Variants in VPS13B observed in about 807,000 individuals in gnomAD.
The protein encoded by VPS13B is intermembrane lipid transfer protein VPS13B.
Under a neutral mutation model 426.4 loss-of-function variants are expected in VPS13B, and 285 were observed. The observed-to-expected ratio is 0.67, with a 90% confidence interval of 0.61 to 0.74. The LOEUF (loss-of-function observed/expected upper bound fraction) is 0.74. Ranked by LOEUF, VPS13B falls within the 30% of genes least tolerant of loss-of-function variation. The pLI, the probability that VPS13B is intolerant of heterozygous loss-of-function variation, is 0.00. For missense variants in VPS13B, 4,537 were observed against 4,782.6 expected (o/e 0.95, Z 1.51); for synonymous variants, 1,676 against 1,676.4 (o/e 1.00, Z 0.01).
intron 19 of VPS13B, among the ~76,000 whole-genome samples, chr8:99,351,927 A>C (rs1019026737): frequency 3.3e-5 from 5 of 152,170 alleles, no homozygotes; most frequent in Non-Finnish European, 7.4e-5. Flanking sequence ...AAAGAGACAT[A>C]TATATTATTA....
intron 14 of VPS13B, 127 bp from the exon 15 acceptor site, chr8:99,156,422 A>G (rs570104648): frequency 1.2e-6 from 1 of 816,526 alleles, no homozygotes; most frequent in Non-Finnish European, 2.0e-6. Flanking sequence ...AGTTCTGTAG[A>G]AAGGCATCAT....
chr8:99,829,883 G>C (rs770003608), intron 51 of VPS13B, among the ~76,000 whole-genome samples: 1 of 152,142 alleles, frequency 6.6e-6, no homozygotes, highest in Non-Finnish European at 1.5e-5. Context: ...AGAGTTTTCT[G>C]GGGGTCCACC....
intron 17 of VPS13B, among the ~76,000 whole-genome samples, chr8:99,202,577 C>G (rs938358915): frequency 2.6e-5 from 4 of 152,110 alleles, no homozygotes; most frequent in Non-Finnish European, 5.9e-5. Context: ...TCAAAAAAAG[C>G]CCAGGACCAG....
chr8:99,697,134 A>G, intron 35 of VPS13B: 1 of 532,918 alleles, frequency 1.9e-6, no homozygotes, highest in Non-Finnish European at 3.5e-6. Flanking sequence ...GCTCAAGTCC[A>G]TACTGCAGAC....
In VPS13B at chr8:99,521,335, A is replaced by G. The variant is rs182621388; in HGVS notation, c.4745+325A>G. Among the ~76,000 whole-genome samples the G allele has an allele frequency of 2.4e-3, 362 of 152,338 alleles. 2 individuals are homozygous for G. The highest frequency in any genetic ancestry group is 3.5e-3 in the Non-Finnish European group (240 of 68,026). ...AGAAAACGAGGTCCTCTGTAGAACC[A>G]CCACATCCTACTGTAGTCATGTTGT... On this transcript the variant is annotated intron_variant, in intron 30 of 61. Coordinates refer to ENST00000357162, the MANE Select transcript of VPS13B (RefSeq NM_152564.5).
In VPS13B at chr8:99,646,351, C is replaced by T. The variant is rs141421778; in HGVS notation, c.5908+3853C>T. Among the ~76,000 whole-genome samples the T allele has an allele frequency of 3.9e-5, 6 of 152,120 alleles. No homozygotes were observed. In the East Asian group the frequency reaches 9.7e-4, roughly 25 times the overall value. ...ACAACATAGTGAGACCCCATCTCTA[C>T]AAAAAATTACAAAAAATTGTAATTG... is the stretch of plus-strand genomic sequence containing the variant. On this transcript the variant is annotated intron_variant, in intron 34 of 61. Coordinates refer to ENST00000357162, the MANE Select transcript of VPS13B (RefSeq NM_152564.5).
At chr8:99,741,946 C>G (rs1809751824) in intron 39 of VPS13B, among the ~76,000 whole-genome samples, 1 of 152,028 alleles carries the variant, frequency 6.6e-6, no homozygotes, top group Non-Finnish European at 1.5e-5. Context: ...CATTCAAAAG[C>G]TAGCAGAAGG....
intron 17 of VPS13B, among the ~76,000 whole-genome samples, chr8:99,254,463 A>G (rs895367880): frequency 4.7e-5 from 7 of 150,162 alleles, no homozygotes; most frequent in African/African-American, 1.7e-4. Context: ...TCCATTCAGT[A>G]TTTTTTCTTT....
chr8:99,119,699 G>A (rs1401596510), intron 7 of VPS13B, among the ~76,000 whole-genome samples: 1 of 152,118 alleles, frequency 6.6e-6, no homozygotes, highest in Non-Finnish European at 1.5e-5. Flanking sequence ...ACCTATAAAT[G>A]TAGAATGTTC....
At chr8:99,747,443 G>A (rs1000234219) in intron 39 of VPS13B, among the ~76,000 whole-genome samples, 1 of 152,016 alleles carries the variant, frequency 6.6e-6, no homozygotes, top group African/African-American at 2.4e-5. Context: ...ACATTCAAGT[G>A]AATACAGACC....
At chr8:99,752,289 C>T (rs1192684464) in intron 39 of VPS13B, among the ~76,000 whole-genome samples, 1 of 152,186 alleles carries the variant, frequency 6.6e-6, no homozygotes, top group African/African-American at 2.4e-5. Context: ...CCATGGAGAA[C>T]TATTCCCTAG....
chr8:99,592,920 G>A (rs1433317890), intron 33 of VPS13B, among the ~76,000 whole-genome samples: 5 of 151,958 alleles, frequency 3.3e-5, no homozygotes, highest in Admixed American at 3.3e-4. Flanking sequence ...AACTCAAGAT[G>A]GATTAAAGAC....
At chr8:99,585,213 G>A (rs1481235850) in intron 33 of VPS13B, among the ~76,000 whole-genome samples, 1 of 152,110 alleles carries the variant, frequency 6.6e-6, no homozygotes, top group Non-Finnish European at 1.5e-5. Flanking sequence ...ACTGTGCAGG[G>A]AAATAATGGA....
At chr8:99,873,481 T>A (rs955514853) in intron 61 of VPS13B, among the ~76,000 whole-genome samples, 13 of 152,164 alleles carry the variant, frequency 8.5e-5, no homozygotes, top group Non-Finnish European at 1.8e-4. Context: ...AAGGAATGCC[T>A]AAAACAGAAG....
intron 34 of VPS13B, among the ~76,000 whole-genome samples, chr8:99,654,291 G>A (rs921285637): frequency 9.3e-5 from 14 of 151,334 alleles, no homozygotes; most frequent in Admixed American, 3.9e-4. Context: ...CTTGTGATCC[G>A]CCCGCCTCGG....
rs372928254 is a variant in VPS13B, at chr8:99,361,526, A to G, written c.2825-22682A>G. Among the ~76,000 whole-genome samples, 10 of 152,316 alleles carry G rather than the reference A, an allele frequency of 6.6e-5. No individual in the cohort carries two copies. The East Asian group carries it at 1.7e-3, about 26-fold the overall frequency. On this transcript the variant is annotated intron_variant, in intron 19 of 61. Transcript: ENST00000357162. ...AAGCCAGTGTCCTTAAAGACCTGCT[A>G]TAAAGACCAGCTTGATTAAATTATA...
chr8:99,496,922 G>A (rs1563761588), intron 25 of VPS13B, among the ~76,000 whole-genome samples: 3 of 150,948 alleles, frequency 2.0e-5, no homozygotes. Context: ...ATTATTTAGT[G>A]TTTTTTTCAT....
chr8:99,193,495 GTTAA>G (rs1286053241), intron 17 of VPS13B, among the ~76,000 whole-genome samples: 9 of 152,158 alleles, frequency 5.9e-5, no homozygotes, highest in South Asian at 2.1e-4. Context: ...CCCTTAAGGA[GTTAA>G]TTAACTACTA....
chr8:99,217,046 ATGT>A (rs1815429245), intron 17 of VPS13B, among the ~76,000 whole-genome samples: 1 of 152,044 alleles, frequency 6.6e-6, no homozygotes, highest in Admixed American at 6.6e-5. Context: ...GGGGCAAAAA[ATGT>A]TGTGTTTTCT....
Sources: allele counts gnomAD v4.1 joint callset (sites outside exome capture counted in the v4.1 genomes callset), GRCh38; gene constraint gnomAD v4.1.1; transcripts MANE v1.5; gene names NCBI Gene and HGNC (gene_info 2026-07-23, HGNC 2026-07-21).